NUP133: variants seen among roughly 807,000 people sequenced by gnomAD.
The protein encoded by NUP133 is nuclear pore complex protein Nup133.
NUP133 carries 66 observed loss-of-function variants against 146.2 expected under a neutral mutation model. That is an observed-to-expected ratio of 0.45 (90% CI 0.37 to 0.55). The LOEUF (loss-of-function observed/expected upper bound fraction) is 0.55. Ranked by LOEUF, NUP133 falls within the 20% of genes least tolerant of loss-of-function variation. The pLI, the probability that NUP133 is intolerant of heterozygous loss-of-function variation, is 0.00. For missense variants in NUP133, 1,277 were observed against 1,374.8 expected (o/e 0.93, Z 1.12); for synonymous variants, 521 against 498.8 (o/e 1.04, Z -0.59).
intron 6 of NUP133, among the ~76,000 whole-genome samples, chr1:229,497,087 A>G (rs1445036435): frequency 2.6e-5 from 4 of 152,256 alleles, no homozygotes; most frequent in Non-Finnish European, 5.9e-5. Context: ...GTTAAAACGC[A>G]TCACTGATAG....
Position 229,464,606 on chromosome 1 carries a change from C to A in NUP133, c.2551+18G>T. On this transcript the variant is annotated intron_variant, in intron 18 of 25. Coordinates refer to ENST00000261396, the MANE Select transcript of NUP133 (RefSeq NM_018230.3). ...CATTCAGCAAATTTAAAACTCTTGC[C>A]AAGTATCATGAACTTACGAAGAGGA... is the stretch of plus-strand genomic sequence containing the variant. 1 of 1,610,210 alleles carries A rather than the reference C, an allele frequency of 6.2e-7. No homozygotes were observed. Among genetic ancestry groups the A allele is most frequent in the Non-Finnish European group, 8.5e-7 (1 of 1,176,990 alleles).
Position 229,458,277 on chromosome 1 carries a change from C to T in NUP133, c.2864G>A (p.Gly955Asp), listed in dbSNP as rs1288404317. Residue 955 changes from glycine to aspartate, a missense_variant, in exon 21 of 26, where the codon GGT becomes GAT. Coordinates refer to ENST00000261396, the MANE Select transcript of NUP133 (RefSeq NM_018230.3). ...GTAACGAGTTTCCATATTTGCCAAA[C>T]CCAGAAGTGTTGCATGAGCCTACAA... Reference protein sequence around the residue: ...ELEKAHATLLGLANMETRYFA... With the variant: ...ELEKAHATLLDLANMETRYFA... 6.2e-7 allele frequency: 1 copy of T among 1,613,140 alleles called. No individual in the cohort carries two copies. Among genetic ancestry groups the T allele is most frequent in the Non-Finnish European group, 8.5e-7 (1 of 1,179,402 alleles).
intron 16 of NUP133, 104 bp downstream of exon 16, chr1:229,466,530 C>A (rs888272631): frequency 1.2e-5 from 15 of 1,254,970 alleles, no homozygotes; most frequent in Non-Finnish European, 1.7e-5. Flanking sequence ...ATGTCTACAA[C>A]CTTATACATT....
chr1:229,486,666 G>A (rs892855358), intron 10 of NUP133, 138 bp from the exon 11 acceptor site: 19 of 717,530 alleles, frequency 2.6e-5, no homozygotes, highest in East Asian at 9.3e-5. Flanking sequence ...GTCCTACTTC[G>A]AACTCATCCT....
At chr1:229,480,746 A>G (rs116834378) in intron 12 of NUP133, among the ~76,000 whole-genome samples, 4,109 of 152,088 alleles carry the variant, frequency 0.027, 180 homozygotes, top group African/African-American at 0.091. Flanking sequence ...GAGTGCGGTG[A>G]CGGGATCTCG....
At chr1:229,469,233 G>A (rs1181172183) in intron 15 of NUP133, among the ~76,000 whole-genome samples, 4 of 152,196 alleles carry the variant, frequency 2.6e-5, no homozygotes. Context: ...AAGACAACAG[G>A]TCTAAGTTCT....
rs750457180 is a variant in NUP133, at chr1:229,477,710, T to G, written c.1643A>C (p.His548Pro). ...TTCAGAATCAGAATCCAAATCAGAG[T>G]GAGAGGAAAAGAGCTCATCAACCAC... Reference protein sequence around the residue: ...QMVVDELFSSHSDLDSDSELD... With the variant: ...QMVVDELFSSPSDLDSDSELD... Residue 548 changes from histidine to proline, a missense_variant, in exon 13 of 26, where the codon CAC becomes CCC. Coordinates refer to ENST00000261396, the MANE Select transcript of NUP133 (RefSeq NM_018230.3). 4.3e-6 allele frequency: 7 copies of G among 1,613,236 alleles called. No individual in the cohort carries two copies. In the East Asian group the frequency reaches 1.6e-4, roughly 36 times the overall value.
chr1:229,464,327 T>TAC (rs941874693), intron 18 of NUP133, among the ~76,000 whole-genome samples: 4 of 152,212 alleles, frequency 2.6e-5, no homozygotes, highest in African/African-American at 9.6e-5. Flanking sequence ...CACCAGGCTC[T>TAC]ACTTTGCAAT....
chr1:229,449,106 G>C lies in NUP133; in HGVS notation c.3245+20C>G. 6.3e-7 allele frequency: 1 copy of C among 1,591,482 alleles called. No individual in the cohort carries two copies. Among genetic ancestry groups the C allele is most frequent in the Non-Finnish European group, 8.6e-7 (1 of 1,159,752 alleles). ...AGCAGTTTCTATACTTTCCAAAGAA[G>C]CAATGCCACGAGCACTTACTTATCT... On this transcript the variant is annotated intron_variant, in intron 24 of 25. Transcript: ENST00000261396.
chr1:229,471,115 T>C (rs552486198), intron 14 of NUP133, among the ~76,000 whole-genome samples: 1 of 152,178 alleles, frequency 6.6e-6, no homozygotes, highest in Non-Finnish European at 1.5e-5. Flanking sequence ...ACAGTCACAC[T>C]GCTCTTTTCG....
Position 229,442,056 on chromosome 1 carries a change from CAAG to C in NUP133, c.3335-19_3335-17del. 1 of 1,543,816 alleles carries C rather than the reference CAAG, an allele frequency of 6.5e-7. No individual in the cohort carries two copies. Among genetic ancestry groups the C allele is most frequent in the Non-Finnish European group, 8.6e-7 (1 of 1,157,240 alleles). On this transcript the variant is annotated splice_polypyrimidine_tract_variant and intron_variant, in intron 25 of 25. Transcript: ENST00000261396. ...AGCTGAATGCCTATAAACACAAACA[CAAG>C]AAGTCATTTTTCAATTATTATAAAA...
chr1:229,451,840 G>A (rs566617882), intron 22 of NUP133, among the ~76,000 whole-genome samples: 2 of 152,222 alleles, frequency 1.3e-5, no homozygotes, highest in African/African-American at 4.8e-5. Flanking sequence ...AGTAAAATCG[G>A]CACTACTTTT....
chr1:229,506,871 C>G (rs1245905751), intron 1 of NUP133, among the ~76,000 whole-genome samples: 1 of 148,594 alleles, frequency 6.7e-6, no homozygotes, highest in East Asian at 2.0e-4. Flanking sequence ...AGCAAGAAAT[C>G]GAACAGGTTA....
chr1:229,492,954 T>A (rs1386697100), intron 8 of NUP133, among the ~76,000 whole-genome samples: 2 of 152,038 alleles, frequency 1.3e-5, no homozygotes, highest in Non-Finnish European at 2.9e-5. Flanking sequence ...AAAAAGAATA[T>A]TGGCCCAAAC....
At chr1:229,499,587 A>T in intron 5 of NUP133, 97 bp downstream of exon 5, 2 of 1,312,926 alleles carry the variant, frequency 1.5e-6, no homozygotes, top group South Asian at 1.5e-5. Context: ...TGGGCAACAT[A>T]AGGAGATCCC....
At chr1:229,456,047 G>A (rs1660552484) in intron 21 of NUP133, among the ~76,000 whole-genome samples, 1 of 152,126 alleles carries the variant, frequency 6.6e-6, no homozygotes, top group Non-Finnish European at 1.5e-5. Flanking sequence ...GAAGAGTCTA[G>A]GGCAACTGTA....
chr1:229,483,947 G>C, intron 12 of NUP133, 107 bp downstream of exon 12: 1 of 708,684 alleles, frequency 1.4e-6, no homozygotes, highest in East Asian at 2.7e-5. Context: ...TTCTCCTCTT[G>C]ATAGCATCAT....
chr1:229,449,279 A>G, intron 23 of NUP133, 89 bp from the exon 24 acceptor site: 1 of 728,034 alleles, frequency 1.4e-6, no homozygotes, highest in Non-Finnish European at 2.3e-6. Context: ...TACTACATAC[A>G]TAGAAGCCAA....
intron 1 of NUP133, 43 bp from the exon 2 acceptor site, chr1:229,506,201 T>C: frequency 8.9e-7 from 1 of 1,122,270 alleles, no homozygotes; most frequent in Non-Finnish European, 1.3e-6. Context: ...AACTTAAAAT[T>C]CTCCATTATC....
Sources: gnomAD v4.1 joint callset for allele counts (sites outside exome capture counted in the v4.1 genomes callset) on GRCh38, gnomAD v4.1.1 for gene constraint, MANE v1.5 for transcripts, NCBI Gene and HGNC (gene_info 2026-07-23, HGNC 2026-07-21) for gene names.